Variants in TOX observed in about 807,000 individuals in gnomAD.
TOX encodes thymocyte selection-associated high mobility group box protein TOX.
In TOX, 11 loss-of-function variants were observed where a neutral mutation model predicts 53.7. That is an observed-to-expected ratio of 0.20 (90% confidence interval 0.13 to 0.34). The LOEUF (loss-of-function observed/expected upper bound fraction) is 0.34. TOX is among the 10% of genes least tolerant of loss of function. The probability of loss-of-function intolerance (pLI) is 1.00; values close to 1 mark genes in which losing one functional copy is unlikely to be tolerated. For missense variants in TOX, 570 were observed against 664.6 expected, an observed-to-expected ratio of 0.86 and a Z score of 1.56; for synonymous variants, 225 against 245.3, an observed-to-expected ratio of 0.92 and a Z score of 0.77.
At chr8:59,095,172 G>T (rs976123623) in intron 1 of TOX, among the ~76,000 whole-genome samples, 1 of 151,898 alleles carries the variant, frequency 6.6e-6, no homozygotes, top group Non-Finnish European at 1.5e-5. Flanking sequence ...TGTAATTGAG[G>T]TCACTTGTTT....
chr8:58,976,011 G>A (rs1348880513), intron 1 of TOX, among the ~76,000 whole-genome samples: 1 of 152,072 alleles, frequency 6.6e-6, no homozygotes, highest in Non-Finnish European at 1.5e-5. Context: ...CACGGAGGTT[G>A]CAGTGAGCCG....
chr8:58,867,073 A>T (rs1302789043), intron 3 of TOX, among the ~76,000 whole-genome samples: 1 of 152,166 alleles, frequency 6.6e-6, no homozygotes, highest in Non-Finnish European at 1.5e-5. Flanking sequence ...GCATTTTTTA[A>T]ATTTAAAACC....
chr8:58,868,225 C>T (rs1010546961), intron 3 of TOX, among the ~76,000 whole-genome samples: 2 of 152,252 alleles, frequency 1.3e-5, no homozygotes, highest in East Asian at 3.9e-4. Flanking sequence ...TGAGGCCTCC[C>T]CTCCCATGTG....
intron 1 of TOX, among the ~76,000 whole-genome samples, chr8:59,073,290 A>C (rs1804232790): frequency 1.3e-5 from 2 of 152,226 alleles, no homozygotes; most frequent in Admixed American, 1.3e-4. Context: ...AGGATTAATG[A>C]AATTTGTTCA....
At chr8:59,000,437 T>C (rs1242287383) in intron 1 of TOX, among the ~76,000 whole-genome samples, 2 of 152,174 alleles carry the variant, frequency 1.3e-5, no homozygotes, top group Admixed American at 1.3e-4. Context: ...AAAAATGAGC[T>C]GGATGCTATA....
intron 1 of TOX, among the ~76,000 whole-genome samples, chr8:59,051,420 A>G (rs1033727060): frequency 3.9e-5 from 6 of 152,168 alleles, no homozygotes; most frequent in Non-Finnish European, 7.4e-5. Flanking sequence ...TAGAACAGAT[A>G]ACTTTAAAAA....
intron 1 of TOX, among the ~76,000 whole-genome samples, chr8:59,002,775 A>C (rs1813717597): frequency 1.3e-5 from 2 of 152,238 alleles, no homozygotes; most frequent in South Asian, 4.1e-4. Context: ...ATATCATGAA[A>C]TAATATTTCT....
At position 58,940,340 on chromosome 8, in the gene TOX, T is replaced by G. The variant is rs146120797; in HGVS notation, c.169-796A>C. 2.4e-3 allele frequency among the ~76,000 whole-genome samples: 341 copies of G among 142,206 alleles called. 2 individuals are homozygous for G. Among genetic ancestry groups the G allele is most frequent in the African/African-American group, 8.5e-3 (311 of 36,504 alleles). The allele number at this position is 142,206 out of a possible 152,430, so 93.3% of individuals were successfully genotyped here. On this transcript the variant is annotated intron_variant, in intron 2 of 8. Transcript: ENST00000361421. ...AATAAATAGCATTAACATATGTGGGTTTTTTTTTTTCTTTTACAAACTAGC... is the reference window on the plus strand; with the variant it reads ...AATAAATAGCATTAACATATGTGGGGTTTTTTTTTTCTTTTACAAACTAGC...
At chr8:58,816,523 G>T (rs1810180960) in intron 6 of TOX, among the ~76,000 whole-genome samples, 1 of 152,108 alleles carries the variant, frequency 6.6e-6, no homozygotes, top group Admixed American at 6.5e-5. Context: ...TAACCCTGTG[G>T]CAATTCCTCA....
intron 1 of TOX, among the ~76,000 whole-genome samples, chr8:59,080,368 C>T (rs1347304471): frequency 2.0e-5 from 3 of 152,032 alleles, no homozygotes; most frequent in Non-Finnish European, 2.9e-5. Context: ...GAAGTAACTA[C>T]CTTGTTCTAT....
rs555320127 is a variant in TOX at position 58,879,923 on chromosome 8, C to T, written c.412-28118G>A. Among the ~76,000 whole-genome samples, 6 of 152,236 alleles carry T rather than the reference C, an allele frequency of 3.9e-5. No individual in the cohort carries two copies. The South Asian group carries it at 1.2e-3, about 32-fold the overall frequency. ...GGTACAACCCATTTTTAATACTTTGCTTTTTCCTCTCTTCCTTGTAAAAAA... is the reference window on the plus strand; with the variant it reads ...GGTACAACCCATTTTTAATACTTTGTTTTTTCCTCTCTTCCTTGTAAAAAA... On this transcript the variant is annotated intron_variant, in intron 3 of 8. Transcript: ENST00000361421.
intron 1 of TOX, among the ~76,000 whole-genome samples, chr8:58,990,123 T>G (rs375422933): frequency 1.7e-4 from 26 of 152,330 alleles, no homozygotes; most frequent in South Asian, 1.5e-3. Flanking sequence ...TTAATTCACA[T>G]AACCACACTA....
intron 1 of TOX, among the ~76,000 whole-genome samples, chr8:59,082,996 A>G (rs766615020): frequency 1.3e-5 from 2 of 152,182 alleles, no homozygotes; most frequent in Non-Finnish European, 2.9e-5. Flanking sequence ...AGGTATTCCC[A>G]CTGAAGAGGC....
rs115617750 is a variant in TOX, at chr8:58,897,214, T to A, written c.411+42088A>T. The stretch of plus-strand genomic sequence containing the variant: ...CCCTGCCTTTCCCAGATGATGATCA[T>A]CATTTTCTCCAATTACCACTCACAC... On this transcript the variant is annotated intron_variant, in intron 3 of 8. Transcript: ENST00000361421. 7.1e-3 allele frequency among the ~76,000 whole-genome samples: 1,082 copies of A among 152,298 alleles called. 13 individuals carry two copies. The highest frequency in any genetic ancestry group is 0.025 in the African/African-American group (1,028 of 41,560).
chr8:58,881,583 G>C (rs894179998), intron 3 of TOX, among the ~76,000 whole-genome samples: 2 of 152,084 alleles, frequency 1.3e-5, no homozygotes, highest in Admixed American at 6.6e-5. Flanking sequence ...AGTTAGTGGG[G>C]TGTGGTGGCA....
intron 1 of TOX, among the ~76,000 whole-genome samples, chr8:58,979,725 C>A (rs1458044947): frequency 6.6e-6 from 1 of 152,152 alleles, no homozygotes; most frequent in Admixed American, 6.5e-5. Context: ...AAAAGCAATA[C>A]AACATGGTAG....
chr8:58,810,657 T>C (rs1223023260), intron 7 of TOX, among the ~76,000 whole-genome samples: 1 of 152,096 alleles, frequency 6.6e-6, no homozygotes, highest in Non-Finnish European at 1.5e-5. Flanking sequence ...TTGGTCTCCA[T>C]ATTGGAGTTT....
At chr8:58,906,283 T>A (rs1047139419) in intron 3 of TOX, among the ~76,000 whole-genome samples, 1 of 152,168 alleles carries the variant, frequency 6.6e-6, no homozygotes, top group Non-Finnish European at 1.5e-5. Context: ...AGACAGTGGC[T>A]GTTCAATATC....
At chr8:58,979,812 C>CATAGTATT (rs1813167370) in intron 1 of TOX, among the ~76,000 whole-genome samples, 1 of 152,288 alleles carries the variant, frequency 6.6e-6, no homozygotes, top group East Asian at 1.9e-4. Flanking sequence ...GTGACCAATG[C>CATAGTATT]CTCACTTTTT....
Sources: gnomAD v4.1 joint callset for allele counts (sites outside exome capture counted in the v4.1 genomes callset) on GRCh38, gnomAD v4.1.1 for gene constraint, MANE v1.5 for transcripts, NCBI Gene and HGNC (gene_info 2026-07-23, HGNC 2026-07-21) for gene names.